The following ZNF382 variants were observed in gnomAD, a reference collection of about 807,000 sequenced individuals.
ZNF382 encodes the protein KRAB/zinc finger suppressor protein 1.
Under a neutral mutation model 38.8 loss-of-function variants are expected in ZNF382, and 20 were observed. That is an observed-to-expected ratio of 0.51 (90% CI 0.36 to 0.75). The LOEUF (loss-of-function observed/expected upper bound fraction) is 0.75. Ranked by LOEUF, ZNF382 falls within the 30% of genes least tolerant of loss-of-function variation. The probability of loss-of-function intolerance (pLI) is 0.00; values close to 1 mark genes in which losing one functional copy is unlikely to be tolerated. For synonymous variants in ZNF382, 202 were observed against 223.1 expected (o/e 0.91, Z 0.84); for missense variants, 546 against 654.1 (o/e 0.83, Z 1.80).
chr19:36,609,958 A>G lies in ZNF382; in HGVS notation c.44A>G (p.Asp15Gly). Reference protein sequence around the residue: ...GSVSFKDVTVDFTQEEWQQLD... With the variant: ...GSVSFKDVTVGFTQEEWQQLD... ...GTGTCATTCAAGGATGTGACTGTGG[A>G]CTTCACCCAGGAGGAGTGGCAGCAA... The change falls in exon 3 of 5, where the codon GAC becomes GGC. Residue 15 changes from aspartate to glycine, a missense_variant. By Grantham distance (94) the Asp-to-Gly change is moderately conservative. Coordinates refer to ENST00000292928, the MANE Select transcript of ZNF382 (RefSeq NM_032825.5). 6.2e-7 allele frequency: 1 copy of G among 1,614,032 alleles called. No homozygotes were observed. Among genetic ancestry groups the G allele is most frequent in the Non-Finnish European group, 8.5e-7 (1 of 1,179,986 alleles).
intron 4 of ZNF382, among the ~76,000 whole-genome samples, chr19:36,616,490 T>G (rs1218561065): frequency 6.6e-6 from 1 of 152,236 alleles, no homozygotes; most frequent in Non-Finnish European, 1.5e-5. Context: ...CTTATAACTT[T>G]CATTCTAAAA....
chr19:36,620,724 C>A (rs192759055), intron 4 of ZNF382, among the ~76,000 whole-genome samples: 188 of 151,944 alleles, frequency 1.2e-3, no homozygotes, highest in Non-Finnish European at 9.9e-4. Context: ...TAATTGCTAT[C>A]TTTACTCTTA....
At chr19:36,615,155 T>C (rs1193894940) in intron 4 of ZNF382, among the ~76,000 whole-genome samples, 1 of 151,792 alleles carries the variant, frequency 6.6e-6, no homozygotes, top group Non-Finnish European at 1.5e-5. Flanking sequence ...CCAGCTAATT[T>C]TTGTATTTTT....
Position 36,627,569 on chromosome 19 carries a change from T to TA in ZNF382, c.*26dup, listed in dbSNP as rs772956271. 5.7e-4 allele frequency: 892 copies of TA among 1,564,276 alleles called. 5 individuals carry two copies. The highest frequency in any genetic ancestry group is 5.1e-4 in the Middle Eastern group (3 of 5,896). On this transcript the variant is annotated 3_prime_UTR_variant, in exon 5 of 5. Transcript: ENST00000292928. ...TCAGTAAGTAATGTGGCTTTTTTTG[T>TA]AAAAAAATGTTAAGTCATAGTAAAC...
chr19:36,617,931 G>T (rs1258512868), intron 4 of ZNF382, among the ~76,000 whole-genome samples: 2 of 152,146 alleles, frequency 1.3e-5, no homozygotes, highest in Non-Finnish European at 2.9e-5. Context: ...AAGTTTTATG[G>T]TATTGTCCTG....
chr19:36,621,292 T>TTA (rs1432934592), intron 4 of ZNF382, among the ~76,000 whole-genome samples: 1 of 151,650 alleles, frequency 6.6e-6, no homozygotes, highest in Admixed American at 6.6e-5. Context: ...GCTACTGTAA[T>TTA]TAATCTTTGG....
rs1255303957 is a variant in ZNF382 at position 36,631,322 on chromosome 19, A to G, written c.*3772A>G. ...GGATACTATAGGCAATTGTAACACA[A>G]TGGTAATTATTTGTATATGTAAACC... On this transcript the variant is annotated 3_prime_UTR_variant, in exon 5 of 5. Coordinates refer to ENST00000292928, the MANE Select transcript of ZNF382 (RefSeq NM_032825.5). The G allele has an allele frequency of 2.6e-5, 4 of 152,116 alleles. No individual in the cohort carries two copies. Among genetic ancestry groups the G allele is most frequent in the Non-Finnish European group, 4.4e-5 (3 of 68,016 alleles). The allele number at this position is 152,116 out of a possible 1,614,324, so 9.4% of individuals were successfully genotyped here. A position where few individuals can be genotyped will look rare whatever the true frequency, so the allele number is the denominator to read the frequency against.
Position 36,626,410 on chromosome 19 carries a change from C to G in ZNF382, c.513C>G (p.Leu171=), listed in dbSNP as rs769576065. ...ACAGTACTGGATGGGAGAAATCACTCCTCAATACCAAGCATGAGAAAATTC... is the reference window on the plus strand; with the variant it reads ...ACAGTACTGGATGGGAGAAATCACTGCTCAATACCAAGCATGAGAAAATTC... ...FGDSTGWEKS[L]LNTKHEKIHP... The change falls in exon 5 of 5, where the codon CTC becomes CTG. Residue 171 remains leucine (L), a synonymous_variant. Transcript: ENST00000292928. 3 of 1,603,320 alleles carry G rather than the reference C, an allele frequency of 1.9e-6. No individual in the cohort carries two copies. In the Admixed American group the frequency reaches 5.2e-5, roughly 28 times the overall value.
At chr19:36,616,728 G>C (rs1341127741) in intron 4 of ZNF382, among the ~76,000 whole-genome samples, 1 of 152,244 alleles carries the variant, frequency 6.6e-6, no homozygotes, top group Non-Finnish European at 1.5e-5. Context: ...CTATCTGGAT[G>C]TCTCCAAAGC....
chr19:36,614,115 G>A (rs900165599), intron 4 of ZNF382, among the ~76,000 whole-genome samples: 6 of 152,074 alleles, frequency 3.9e-5, no homozygotes, highest in South Asian at 4.2e-4. Context: ...CGAGGCGGGC[G>A]GATCACCTGA....
Position 36,626,224 on chromosome 19 carries a change from A to T in ZNF382, c.327A>T (p.Leu109=). The T allele has an allele frequency of 1.2e-6, 2 of 1,606,694 alleles. No individual in the cohort carries two copies. Among genetic ancestry groups the T allele is most frequent in the Non-Finnish European group, 1.7e-6 (2 of 1,178,182 alleles). ...RPLIFINHKK[L]IKERSNIYGK... is the part of the protein sequence containing the mutation. ...TCATATTCATCAACCACAAAAAACTAATTAAGGAGAGAAGTAATATTTATG... is the reference window on the plus strand; with the variant it reads ...TCATATTCATCAACCACAAAAAACTTATTAAGGAGAGAAGTAATATTTATG... Residue 109 remains leucine, a synonymous_variant, in exon 5 of 5, where the codon CTA becomes CTT. Transcript: ENST00000292928.
At chr19:36,619,345 A>G (rs2037150264) in intron 4 of ZNF382, among the ~76,000 whole-genome samples, 1 of 152,122 alleles carries the variant, frequency 6.6e-6, no homozygotes. Context: ...GTTGTGAAGG[A>G]AAGGATGTGG....
rs749097554 is a variant in ZNF382, at chr19:36,610,766, T to C, written c.232+24T>C. The stretch of plus-strand genomic sequence containing the variant: ...AGGTGAGTCTATAAATGAAGTCTAG[T>C]GAACATTAAATGTCAAGTAGTTGAA... On this transcript the variant is annotated intron_variant, in intron 4 of 4. Coordinates refer to ENST00000292928, the MANE Select transcript of ZNF382 (RefSeq NM_032825.5). 4 of 1,555,812 alleles carry C rather than the reference T, an allele frequency of 2.6e-6. No individual in the cohort carries two copies. In the East Asian group the frequency reaches 9.0e-5, roughly 35 times the overall value.
chr19:36,614,197 G>A (rs552819278), intron 4 of ZNF382, among the ~76,000 whole-genome samples: 7 of 152,046 alleles, frequency 4.6e-5, no homozygotes, highest in East Asian at 1.9e-4. Context: ...AAAATTAGCC[G>A]GATATGGTGG....
intron 4 of ZNF382, among the ~76,000 whole-genome samples, chr19:36,625,128 A>ATATATATATATATATATAT (rs2037201923): frequency 5.5e-5 from 7 of 128,002 alleles, no homozygotes; most frequent in Admixed American, 8.1e-5. Context: ...ATATATATAT[A>ATATATATATATATATATAT]ATGTATACAC....
intron 1 of ZNF382, among the ~76,000 whole-genome samples, chr19:36,606,631 T>C (rs1445443564): frequency 6.8e-6 from 1 of 146,840 alleles, no homozygotes; most frequent in Non-Finnish European, 1.5e-5. Flanking sequence ...GCCAAAGTAC[T>C]GGGATTACAG....
chr19:36,620,714 T>G (rs1704533260), intron 4 of ZNF382, among the ~76,000 whole-genome samples: 1 of 152,182 alleles, frequency 6.6e-6, no homozygotes, highest in Non-Finnish European at 1.5e-5. Context: ...TCAGAAATAA[T>G]AATTGCTATC....
chr19:36,624,255 T>C (rs190407830), intron 4 of ZNF382, among the ~76,000 whole-genome samples: 1 of 152,368 alleles, frequency 6.6e-6, no homozygotes, highest in East Asian at 1.9e-4. Context: ...ATATGTATTC[T>C]TTTTCATAAA....
chr19:36,616,424 C>T (rs1568629103), intron 4 of ZNF382, among the ~76,000 whole-genome samples: 2 of 152,156 alleles, frequency 1.3e-5, no homozygotes, highest in Admixed American at 1.3e-4. Flanking sequence ...GAAAATATCA[C>T]ATATACATAA....
Sources: allele counts gnomAD v4.1 joint callset (sites outside exome capture counted in the v4.1 genomes callset), GRCh38; gene constraint gnomAD v4.1.1; transcripts MANE v1.5; gene names NCBI Gene and HGNC (gene_info 2026-07-23, HGNC 2026-07-21).